The following DCAF5 variants were observed in gnomAD, a reference collection of about 807,000 sequenced individuals.
DCAF5 encodes the protein DDB1 and CUL4 associated factor 5, also known as DDB1- and CUL4-associated factor 5.
DCAF5 carries 9 observed loss-of-function variants against 80.7 expected under a neutral mutation model. The ratio of observed to expected loss-of-function variants is 0.11; its 90% CI spans 0.07 to 0.19. DCAF5 has a LOEUF of 0.19. Ranked by LOEUF, DCAF5 falls within the 10% of genes least tolerant of loss-of-function variation. DCAF5 has a pLI of 1.00. For synonymous variants in DCAF5, 433 were observed against 461.9 expected, an observed-to-expected ratio of 0.94 and a Z score of 0.80; for missense variants, 842 against 1,205.7, an observed-to-expected ratio of 0.70 and a Z score of 4.47.
Position 69,054,951 on chromosome 14 carries a change from C to A in DCAF5, c.1735G>T (p.Ala579Ser), listed in dbSNP as rs2037899785. 1 of 1,614,104 alleles carries A rather than the reference C, an allele frequency of 6.2e-7. No homozygotes were observed. The highest frequency in any genetic ancestry group is 8.5e-7 in the Non-Finnish European group (1 of 1,180,054). ...ATGGCATTCCGCTGCCAGGTAGAGG[C>A]TCGGCGTTCATTCAGCTCCTCCTCA... ...EDEEELNERR[A>S]STWQRNAMRR... The change falls in exon 9 of 9, where the codon GCC becomes TCC. Residue 579 changes from alanine (A) to serine (S), a missense_variant. Transcript: ENST00000341516.
intron 6 of DCAF5, chr14:69,083,917 G>C (rs535788971): frequency 1.0e-5 from 8 of 778,940 alleles, no homozygotes; most frequent in South Asian, 9.4e-5. Context: ...TACTTCATTT[G>C]CTTCTTATGT....
rs141851016 is a variant in DCAF5 at position 69,076,349 on chromosome 14, G to C, written c.880-938C>G. Among the ~76,000 whole-genome samples the C allele has an allele frequency of 3.3e-3, 501 of 152,288 alleles. 2 individuals carry two copies. The highest frequency in any genetic ancestry group is 0.011 in the African/African-American group (470 of 41,540). ...AGATATCTGTATACCCATTTTCATA[G>C]CAGCATTATTCACAATAGCCAAAAG... is the stretch of plus-strand genomic sequence containing the variant. On this transcript the variant is annotated intron_variant, in intron 6 of 8. Transcript: ENST00000341516.
intron 5 of DCAF5, among the ~76,000 whole-genome samples, chr14:69,113,600 A>C (rs2040443835): frequency 6.6e-6 from 1 of 152,162 alleles, no homozygotes; most frequent in South Asian, 2.1e-4. Context: ...GAGTTGCCCC[A>C]AAATCTAGGT....
At chr14:69,148,428 G>A (rs751989378) in intron 1 of DCAF5, among the ~76,000 whole-genome samples, 14 of 152,172 alleles carry the variant, frequency 9.2e-5, no homozygotes, top group Non-Finnish European at 1.8e-4. Context: ...TGGGTGGGGT[G>A]GCTCACACCT....
intron 6 of DCAF5, among the ~76,000 whole-genome samples, chr14:69,078,889 CAG>C (rs751945654): frequency 2.0e-5 from 3 of 151,452 alleles, no homozygotes; most frequent in Non-Finnish European, 1.5e-5. Context: ...TTTTTTGAGA[CAG>C]AGTTTCTGCC....
chr14:69,079,791 C>T (rs528508463), intron 6 of DCAF5, among the ~76,000 whole-genome samples: 4 of 152,092 alleles, frequency 2.6e-5, no homozygotes, highest in Non-Finnish European at 5.9e-5. Context: ...GAAAATATTA[C>T]AGACATATAT....
intron 6 of DCAF5, among the ~76,000 whole-genome samples, chr14:69,081,517 T>C (rs2039101926): frequency 6.6e-6 from 1 of 152,198 alleles, no homozygotes; most frequent in South Asian, 2.1e-4. Flanking sequence ...ACATTTTAAG[T>C]AGGGTTAACC....
chr14:69,143,553 C>CT (rs562355110), intron 1 of DCAF5, among the ~76,000 whole-genome samples: 39,244 of 102,092 alleles, frequency 0.38, 8,894 homozygotes, highest in East Asian at 0.88. Context: ...ATCTGTTAAA[C>CT]TTTTTTTTTT....
intron 3 of DCAF5, 95 bp downstream of exon 3, chr14:69,119,099 C>T (rs2040627740): frequency 7.7e-7 from 1 of 1,301,352 alleles, no homozygotes. Context: ...TTGTTTTTTT[C>T]AAAAAACAAA....
chr14:69,147,493 CAA>C (rs1397183407), intron 1 of DCAF5, among the ~76,000 whole-genome samples: 1 of 152,060 alleles, frequency 6.6e-6, no homozygotes, highest in Non-Finnish European at 1.5e-5. Flanking sequence ...AGGAAACAGA[CAA>C]GAGAGGATAA....
In DCAF5 at chr14:69,120,276, G is replaced by C. The variant is rs142735523; in HGVS notation, c.359-1046C>G. Among the ~76,000 whole-genome samples, 1,327 of 152,014 alleles carry C rather than the reference G, an allele frequency of 8.7e-3. 21 individuals are homozygous for C. Among genetic ancestry groups the C allele is most frequent in the African/African-American group, 0.031 (1,267 of 41,462 alleles). On this transcript the variant is annotated intron_variant, in intron 2 of 8. Coordinates refer to ENST00000341516, the MANE Select transcript of DCAF5 (RefSeq NM_003861.3). ...TTAAAAAAAAAATTTTTTTTGTAGAGATCTAACATGTTGGGGTCTAACTAT... is the reference window on the plus strand; with the variant it reads ...TTAAAAAAAAAATTTTTTTTGTAGACATCTAACATGTTGGGGTCTAACTAT...
chr14:69,152,438 T>A lies in DCAF5; in HGVS notation c.214+327A>T. 4.0e-6 allele frequency: 1 copy of A among 248,106 alleles called. No homozygotes were observed. The allele number at this position is 248,106 out of a possible 1,614,324, so 15.4% of individuals were successfully genotyped here. On this transcript the variant is annotated intron_variant, in intron 1 of 8. Transcript: ENST00000341516. The surrounding 1 kb of genome is among the most constrained non-coding windows in gnomAD (Gnocchi z 4.1). ...CCTTTTAAAGTACGCGGAGGAAGAGTTTGCCGTCAAACTTTGTAGAGCGGT... is the reference window on the plus strand; with the variant it reads ...CCTTTTAAAGTACGCGGAGGAAGAGATTGCCGTCAAACTTTGTAGAGCGGT...
chr14:69,101,753 A>C (rs1292334318), intron 5 of DCAF5, among the ~76,000 whole-genome samples: 1 of 152,242 alleles, frequency 6.6e-6, no homozygotes, highest in Non-Finnish European at 1.5e-5. Context: ...AACCTAGGCT[A>C]CAAACCTGTA....
chr14:69,141,659 A>T (rs1236075743), intron 1 of DCAF5, among the ~76,000 whole-genome samples: 1 of 152,178 alleles, frequency 6.6e-6, no homozygotes, highest in Non-Finnish European at 1.5e-5. Flanking sequence ...GCTTGGTTAC[A>T]AAGGATCCCA....
chr14:69,066,206 C>T (rs554238662), intron 7 of DCAF5, among the ~76,000 whole-genome samples: 6 of 151,320 alleles, frequency 4.0e-5, no homozygotes, highest in East Asian at 1.9e-4. Flanking sequence ...ATGATCTCAG[C>T]TCCCTGCAAC....
chr14:69,089,886 A>C (rs937521478), intron 6 of DCAF5: 1 of 972,720 alleles, frequency 1.0e-6, no homozygotes, highest in Non-Finnish European at 1.2e-6. Flanking sequence ...CACACAACAA[A>C]GAACTATCTA....
chr14:69,118,317 A>G lies in DCAF5; in HGVS notation c.396-39T>C, dbSNP rs2040601543. ...GAGCAAGACAGAGGCACACACATAC[A>G]CACAAGCATAGTGCAGAGTCCCAGC... On this transcript the variant is annotated intron_variant, in intron 3 of 8. Coordinates refer to ENST00000341516, the MANE Select transcript of DCAF5 (RefSeq NM_003861.3). This position sits in a 1 kb window ranked among gnomAD's most constrained non-coding sequence, Gnocchi z 4.0. 6.2e-6 allele frequency: 10 copies of G among 1,605,638 alleles called. No homozygotes were observed. Among genetic ancestry groups the G allele is most frequent in the Non-Finnish European group, 8.5e-6 (10 of 1,174,068 alleles).
chr14:69,088,404 A>G (rs774505073), intron 6 of DCAF5, among the ~76,000 whole-genome samples: 18 of 152,240 alleles, frequency 1.2e-4, no homozygotes, highest in Admixed American at 3.9e-4. Flanking sequence ...AGTGGTGGCA[A>G]TGAGCATGAG....
chr14:69,113,267 TG>T (rs2040432930), intron 5 of DCAF5, among the ~76,000 whole-genome samples: 2 of 152,290 alleles, frequency 1.3e-5, no homozygotes, highest in Non-Finnish European at 2.9e-5. Flanking sequence ...CAGCAGGCCC[TG>T]AATTCACCCA....
Sources: allele counts gnomAD v4.1 joint callset (sites outside exome capture counted in the v4.1 genomes callset), GRCh38; gene constraint gnomAD v4.1.1; non-coding constraint Gnocchi (gnomAD v3.1); transcripts MANE v1.5; gene names NCBI Gene and HGNC (gene_info 2026-07-23, HGNC 2026-07-21).